The following FSTL4 variants were observed in gnomAD, a reference collection of about 807,000 sequenced individuals.
FSTL4 encodes the protein follistatin-related protein 4.
In FSTL4, 28 loss-of-function variants were observed where a neutral mutation model predicts 78.2. That is an observed-to-expected ratio of 0.36 (90% CI 0.27 to 0.49). The LOEUF is 0.49. Ranked by LOEUF, FSTL4 falls within the 20% of genes least tolerant of loss-of-function variation. The probability of loss-of-function intolerance (pLI) is 0.98; values close to 1 mark genes in which losing one functional copy is unlikely to be tolerated. For missense variants in FSTL4, 922 were observed against 1,084.9 expected (o/e 0.85, Z 2.11); for synonymous variants, 422 against 440.5 (o/e 0.96, Z 0.53).
intron 3 of FSTL4, among the ~76,000 whole-genome samples, chr5:133,465,135 G>A (rs1467611138): frequency 2.6e-5 from 4 of 152,124 alleles, no homozygotes; most frequent in South Asian, 2.1e-4. Flanking sequence ...AGGGCAGTCC[G>A]GCCTGCTATC....
At chr5:133,547,015 G>A (rs1759588807) in intron 3 of FSTL4, among the ~76,000 whole-genome samples, 1 of 152,214 alleles carries the variant, frequency 6.6e-6, no homozygotes, top group South Asian at 2.1e-4. Context: ...AGCCACTGCA[G>A]AGAGCCCCCA....
At chr5:133,292,285 C>T (rs1013375218) in intron 6 of FSTL4, among the ~76,000 whole-genome samples, 9 of 152,226 alleles carry the variant, frequency 5.9e-5, no homozygotes, top group South Asian at 2.1e-4. Context: ...CTGCACTAGC[C>T]TCTGGGTTCT....
At chr5:133,365,423 G>A (rs1755163089) in intron 4 of FSTL4, among the ~76,000 whole-genome samples, 1 of 152,168 alleles carries the variant, frequency 6.6e-6, no homozygotes, top group African/African-American at 2.4e-5. Context: ...ACCCAGGCAG[G>A]TCCAGATGGG....
chr5:133,656,254 A>G, the FSTL4 span, among the ~76,000 whole-genome samples: 1 of 152,110 alleles, frequency 6.6e-6, no homozygotes, highest in African/African-American at 2.4e-5. Context: ...AATGGAGCTT[A>G]ATCCCACTGG....
intron 6 of FSTL4, among the ~76,000 whole-genome samples, chr5:133,289,197 C>T (rs1753202005): frequency 6.6e-6 from 1 of 152,184 alleles, no homozygotes; most frequent in African/African-American, 2.4e-5. Context: ...GTCACAACCC[C>T]AACTGCCCCG....
chr5:133,395,690 C>G (rs997344504), intron 4 of FSTL4, among the ~76,000 whole-genome samples: 1 of 151,978 alleles, frequency 6.6e-6, no homozygotes, highest in African/African-American at 2.4e-5. Flanking sequence ...ATCACTTGCT[C>G]TTCCCGGAGA....
intron 3 of FSTL4, among the ~76,000 whole-genome samples, chr5:133,428,995 C>T (rs1280677942): frequency 6.6e-6 from 1 of 152,212 alleles, no homozygotes; most frequent in African/African-American, 2.4e-5. Flanking sequence ...GCAGGAACTT[C>T]AGTTATTTCT....
chr5:133,516,532 T>C (rs923067726), intron 3 of FSTL4, among the ~76,000 whole-genome samples: 7 of 152,382 alleles, frequency 4.6e-5, no homozygotes, highest in Middle Eastern at 3.4e-3. Flanking sequence ...TCTGTGTCCC[T>C]GAATAGGAAA....
At position 133,374,513 on chromosome 5, in the gene FSTL4, A is replaced by G. The variant is rs561359014; in HGVS notation, c.409+26225T>C. On this transcript the variant is annotated intron_variant, in intron 4 of 15. Transcript: ENST00000265342. Reference sequence around the variant, plus strand: ...ATCTTGGTTAAATATGAACTTTCCAATCATATTCTTGGTGGGCAGTTAAAC... The same window carrying G: ...ATCTTGGTTAAATATGAACTTTCCAGTCATATTCTTGGTGGGCAGTTAAAC... Among the ~76,000 whole-genome samples, 4 of 152,198 alleles carry G rather than the reference A, an allele frequency of 2.6e-5. No homozygotes were observed. In the East Asian group the frequency reaches 5.8e-4, roughly 22 times the overall value.
At chr5:133,451,543 A>G (rs1339251593) in intron 3 of FSTL4, among the ~76,000 whole-genome samples, 1 of 152,218 alleles carries the variant, frequency 6.6e-6, no homozygotes, top group African/African-American at 2.4e-5. Context: ...CCTGGGCAAC[A>G]AGAGCAAAAG....
intron 2 of FSTL4, among the ~76,000 whole-genome samples, chr5:133,589,484 G>C (rs1050680509): frequency 6.6e-5 from 10 of 152,190 alleles, no homozygotes; most frequent in African/African-American, 2.2e-4. Context: ...GTCCCCAGTG[G>C]AATCCTGGAA....
chr5:133,780,840 G>A, the FSTL4 span, among the ~76,000 whole-genome samples: 11 of 152,134 alleles, frequency 7.2e-5, no homozygotes, highest in Non-Finnish European at 1.2e-4. Flanking sequence ...GGGCCAGGGC[G>A]CCAAGCCCAG....
chr5:133,523,683 TG>T (rs2112900650), intron 3 of FSTL4, among the ~76,000 whole-genome samples: 1 of 152,342 alleles, frequency 6.6e-6, no homozygotes, highest in East Asian at 1.9e-4. Context: ...ATGTGGAGCC[TG>T]ACACATAACA....
chr5:133,407,557 T>A (rs1756390325), intron 3 of FSTL4, among the ~76,000 whole-genome samples: 1 of 152,206 alleles, frequency 6.6e-6, no homozygotes, highest in South Asian at 2.1e-4. Context: ...TGCATAATGT[T>A]TACAGATCCT....
intron 3 of FSTL4, among the ~76,000 whole-genome samples, chr5:133,538,566 T>C (rs1759402277): frequency 6.6e-6 from 1 of 152,180 alleles, no homozygotes; most frequent in Non-Finnish European, 1.5e-5. Flanking sequence ...ACTTTTTTTT[T>C]TTAACTCCAT....
chr5:133,345,074 T>C (rs1380777822), intron 4 of FSTL4, among the ~76,000 whole-genome samples: 2 of 151,526 alleles, frequency 1.3e-5, no homozygotes, highest in African/African-American at 4.9e-5. Context: ...GTTCACGCCA[T>C]TCTCCTGCCT....
intron 2 of FSTL4, among the ~76,000 whole-genome samples, chr5:133,602,446 T>C (rs1262353443): frequency 1.3e-5 from 2 of 152,218 alleles, no homozygotes; most frequent in Non-Finnish European, 1.5e-5. Context: ...ATACTTTTAT[T>C]TGAAATAAGT....
intron 6 of FSTL4, among the ~76,000 whole-genome samples, chr5:133,296,164 C>A (rs750926001): frequency 2.6e-5 from 4 of 152,174 alleles, no homozygotes; most frequent in Non-Finnish European, 2.9e-5. Context: ...TGCCCAAAAC[C>A]CTGGAGTTAT....
chr5:133,359,105 T>C (rs1385233410), intron 4 of FSTL4, among the ~76,000 whole-genome samples: 1 of 152,216 alleles, frequency 6.6e-6, no homozygotes, highest in Non-Finnish European at 1.5e-5. Context: ...GAGCGTGATG[T>C]GTAACAATGC....
Sources: gnomAD v4.1 joint callset for allele counts (sites outside exome capture counted in the v4.1 genomes callset) on GRCh38, gnomAD v4.1.1 for gene constraint, MANE v1.5 for transcripts, NCBI Gene and HGNC (gene_info 2026-07-23, HGNC 2026-07-21) for gene names.